Variants in DCAF6 observed in about 807,000 individuals in gnomAD.
DCAF6 encodes the protein DDB1- and CUL4-associated factor 6.
In DCAF6, 54 loss-of-function variants were observed where a neutral mutation model predicts 125.1. The ratio of observed to expected loss-of-function variants is 0.43; its 90% confidence interval spans 0.35 to 0.54. The LOEUF is 0.54. DCAF6 is among the 20% of genes least tolerant of loss of function. The pLI is 0.01. For synonymous variants in DCAF6, 371 were observed against 390.4 expected, an observed-to-expected ratio of 0.95 and a Z score of 0.58; for missense variants, 934 against 1,161.7, an observed-to-expected ratio of 0.80 and a Z score of 2.85.
At chr1:167,949,666 C>T (rs1157972095) in intron 1 of DCAF6, among the ~76,000 whole-genome samples, 1 of 152,100 alleles carries the variant, frequency 6.6e-6, no homozygotes, top group African/African-American at 2.4e-5. Flanking sequence ...AATTTTTTTG[C>T]CTCTGACTTA....
intron 21 of DCAF6, among the ~76,000 whole-genome samples, chr1:168,070,249 A>C (rs1692854834): frequency 6.6e-6 from 1 of 152,078 alleles, no homozygotes; most frequent in Non-Finnish European, 1.5e-5. Flanking sequence ...AATACTAGAT[A>C]GAATAAAGTG....
intron 10 of DCAF6, among the ~76,000 whole-genome samples, chr1:168,014,982 A>G (rs1684770650): frequency 6.6e-6 from 1 of 152,178 alleles, no homozygotes; most frequent in South Asian, 2.1e-4. Flanking sequence ...ACGTGACACA[A>G]ACACATATGT....
chr1:167,951,369 G>GT (rs974327574), intron 1 of DCAF6, among the ~76,000 whole-genome samples: 1 of 152,192 alleles, frequency 6.6e-6, no homozygotes, highest in Admixed American at 6.5e-5. Flanking sequence ...GAGGTGAGGA[G>GT]TTTGAGACCA....
At chr1:167,874,621 C>G in the DCAF6 span, among the ~76,000 whole-genome samples, 1 of 152,142 alleles carries the variant, frequency 6.6e-6, no homozygotes, top group East Asian at 1.9e-4. Flanking sequence ...CTACCTTGTA[C>G]TCAACAGAAA....
At chr1:167,887,777 C>T in the DCAF6 span, among the ~76,000 whole-genome samples, 1 of 149,912 alleles carries the variant, frequency 6.7e-6, no homozygotes, top group East Asian at 1.9e-4. Context: ...TAAAATAATT[C>T]TAAAAAAAAA....
chr1:168,061,262 T>C (rs925350989), intron 17 of DCAF6, among the ~76,000 whole-genome samples: 1 of 152,194 alleles, frequency 6.6e-6, no homozygotes, highest in African/African-American at 2.4e-5. Context: ...TTTGATAGCA[T>C]AGAAAAAAGT....
intron 7 of DCAF6, among the ~76,000 whole-genome samples, chr1:167,996,367 G>C (rs1208580895): frequency 1.3e-5 from 2 of 151,122 alleles, no homozygotes; most frequent in African/African-American, 4.9e-5. Flanking sequence ...ATTTTCTTCT[G>C]GTCCCCATAG....
intron 2 of DCAF6, among the ~76,000 whole-genome samples, chr1:167,963,307 A>G (rs1675904474): frequency 6.6e-6 from 1 of 151,736 alleles, no homozygotes; most frequent in Non-Finnish European, 1.5e-5. Flanking sequence ...GACTATTGAC[A>G]TTCAAAGGGA....
At chr1:167,883,018 A>G in the DCAF6 span, among the ~76,000 whole-genome samples, 172 of 152,188 alleles carry the variant, frequency 1.1e-3, no homozygotes, top group South Asian at 3.9e-3. Context: ...ATAAACAAAG[A>G]CTGGCCTTCT....
intron 3 of DCAF6, among the ~76,000 whole-genome samples, chr1:167,971,093 G>A (rs1677233307): frequency 6.6e-6 from 1 of 152,172 alleles, no homozygotes; most frequent in South Asian, 2.1e-4. Flanking sequence ...TTTCATTACT[G>A]TGTGCTTTTG....
chr1:168,004,889 T>A (rs1317723437), intron 10 of DCAF6, 96 bp downstream of exon 10: 1 of 1,344,880 alleles, frequency 7.4e-7, no homozygotes, highest in African/African-American at 1.5e-5. Flanking sequence ...ATCAACTTCT[T>A]GTTGGAATAA....
the DCAF6 span, among the ~76,000 whole-genome samples, chr1:167,926,577 G>C: frequency 3.9e-5 from 6 of 152,242 alleles, no homozygotes; most frequent in Admixed American, 6.5e-5. Flanking sequence ...TCCCCCCAGG[G>C]GCATTTTTAG....
chr1:168,039,544 A>T (rs958735429), intron 13 of DCAF6, among the ~76,000 whole-genome samples: 1 of 149,554 alleles, frequency 6.7e-6, no homozygotes, highest in African/African-American at 2.4e-5. Flanking sequence ...TAAACTTAGG[A>T]ATAGTAATCT....
the DCAF6 span, chr1:167,896,513 A>G: frequency 9.0e-7 from 1 of 1,111,516 alleles, no homozygotes; most frequent in Non-Finnish European, 1.4e-6. Flanking sequence ...CCCACCCACC[A>G]GTAATGAAGC....
chr1:167,972,408 A>C (rs1677477583), intron 3 of DCAF6, among the ~76,000 whole-genome samples: 1 of 152,352 alleles, frequency 6.6e-6, no homozygotes, highest in Non-Finnish European at 1.5e-5. Context: ...GGAATCAGAT[A>C]AGCTTATTAA....
chr1:167,954,541 C>T lies in DCAF6; in HGVS notation c.159+2680C>T, dbSNP rs571763645. On this transcript the variant is annotated intron_variant, in intron 2 of 21. Transcript: ENST00000367840. Reference sequence around the variant, plus strand: ...AATCTCGGCTCACTGCAAGCTCCGCCTCCCGGATTCACGCCAGTCTCCTGC... The same window carrying T: ...AATCTCGGCTCACTGCAAGCTCCGCTTCCCGGATTCACGCCAGTCTCCTGC... Among the ~76,000 whole-genome samples, 3 of 152,188 alleles carry T rather than the reference C, an allele frequency of 2.0e-5. No homozygotes were observed. In the East Asian group the frequency reaches 5.8e-4, roughly 29 times the overall value.
chr1:167,978,934 G>A (rs1238091865), intron 4 of DCAF6, among the ~76,000 whole-genome samples: 1 of 152,144 alleles, frequency 6.6e-6, no homozygotes, highest in Admixed American at 6.6e-5. Context: ...TGGGATTTCA[G>A]CCTAAAATGG....
intron 18 of DCAF6, among the ~76,000 whole-genome samples, chr1:168,064,296 T>C (rs1467273647): frequency 6.6e-6 from 1 of 152,126 alleles, no homozygotes; most frequent in East Asian, 1.9e-4. Flanking sequence ...TTTTACGATC[T>C]ACAAGTTTCT....
At chr1:167,871,665 A>C in the DCAF6 span, among the ~76,000 whole-genome samples, 1 of 152,276 alleles carries the variant, frequency 6.6e-6, no homozygotes, top group Non-Finnish European at 1.5e-5. Context: ...AGAACAAATA[A>C]ATATCCAGGT....
Sources: gnomAD v4.1 joint callset for allele counts (sites outside exome capture counted in the v4.1 genomes callset) on GRCh38, gnomAD v4.1.1 for gene constraint, MANE v1.5 for transcripts, NCBI Gene and HGNC (gene_info 2026-07-23, HGNC 2026-07-21) for gene names.